Variants in PALLD observed in about 807,000 individuals in gnomAD.
PALLD encodes palladin.
A neutral mutation model predicts 123.5 loss-of-function variants in PALLD; 61 were observed. The ratio of observed to expected loss-of-function variants is 0.49; its 90% CI spans 0.40 to 0.61. The LOEUF is 0.61. PALLD is among the 20% of genes least tolerant of loss of function. The pLI is 0.00. For synonymous variants in PALLD, 465 were observed against 496.4 expected, an observed-to-expected ratio of 0.94 and a Z score of 0.84; for missense variants, 1,273 against 1,377.0, an observed-to-expected ratio of 0.92 and a Z score of 1.20.
chr4:168,671,635 A>T (rs762234884), intron 3 of PALLD, among the ~76,000 whole-genome samples: 1 of 152,368 alleles, frequency 6.6e-6, no homozygotes, highest in East Asian at 1.9e-4. Context: ...ATAATTTTTT[A>T]AAAAACAAAA....
intron 2 of PALLD, among the ~76,000 whole-genome samples, chr4:168,579,161 G>T (rs558297730): frequency 1.3e-5 from 2 of 152,274 alleles, no homozygotes; most frequent in African/African-American, 2.4e-5. Context: ...TCCCACAGTG[G>T]GGAGGTCAAG....
At chr4:168,843,550 A>G (rs1746359541) in intron 10 of PALLD, among the ~76,000 whole-genome samples, 1 of 152,192 alleles carries the variant, frequency 6.6e-6, no homozygotes, top group Admixed American at 6.5e-5. Context: ...TACAATTAGA[A>G]AGTTTTCCAA....
intron 3 of PALLD, among the ~76,000 whole-genome samples, chr4:168,672,535 T>C (rs1780390007): frequency 6.6e-6 from 1 of 152,052 alleles, no homozygotes; most frequent in Non-Finnish European, 1.5e-5. Context: ...CTTGGCTCAC[T>C]GCAAGCTCTG....
At chr4:168,679,444 G>T (rs894375232) in intron 3 of PALLD, among the ~76,000 whole-genome samples, 1 of 130,160 alleles carries the variant, frequency 7.7e-6, no homozygotes, top group African/African-American at 3.0e-5. Context: ...TGGGGTGTGT[G>T]TGTGGTGGGG....
At chr4:168,505,322 A>G (rs1178158445) in intron 1 of PALLD, among the ~76,000 whole-genome samples, 1 of 152,236 alleles carries the variant, frequency 6.6e-6, no homozygotes, top group Non-Finnish European at 1.5e-5. Flanking sequence ...AAACCAAAAT[A>G]TGAGTTAATA....
At chr4:168,818,241 T>C (rs931624394) in intron 10 of PALLD, among the ~76,000 whole-genome samples, 1 of 151,648 alleles carries the variant, frequency 6.6e-6, no homozygotes, top group African/African-American at 2.4e-5. Context: ...CCAAGCTCCA[T>C]CCTACCAATG....
intron 2 of PALLD, among the ~76,000 whole-genome samples, chr4:168,591,483 C>T (rs1263343216): frequency 2.0e-5 from 3 of 152,114 alleles, no homozygotes; most frequent in South Asian, 2.1e-4. Flanking sequence ...GCATTAAAGA[C>T]GTAAGTGCAT....
chr4:168,542,030 T>C (rs1301365808), intron 2 of PALLD, among the ~76,000 whole-genome samples: 1 of 152,196 alleles, frequency 6.6e-6, no homozygotes, highest in Non-Finnish European at 1.5e-5. Flanking sequence ...GTTATCACTA[T>C]GTGCTCAAAT....
chr4:168,592,018 ATT>A (rs10672786), intron 2 of PALLD, among the ~76,000 whole-genome samples: 16 of 138,926 alleles, frequency 1.2e-4, no homozygotes, highest in African/African-American at 1.6e-4. Context: ...ACTATTATGG[ATT>A]TTTTTTTTTT....
intron 2 of PALLD, among the ~76,000 whole-genome samples, chr4:168,620,014 T>C (rs1774600796): frequency 6.7e-6 from 1 of 148,230 alleles, no homozygotes; most frequent in African/African-American, 2.5e-5. Context: ...TGTTTAAGAC[T>C]AGTGGGCAAA....
chr4:168,624,904 A>T (rs554998868), intron 2 of PALLD, among the ~76,000 whole-genome samples: 1 of 152,254 alleles, frequency 6.6e-6, no homozygotes, highest in South Asian at 2.1e-4. Flanking sequence ...AAAGGACACA[A>T]AATAAGATTT....
intron 2 of PALLD, among the ~76,000 whole-genome samples, chr4:168,605,048 A>G (rs57500194): frequency 0.033 from 5,039 of 152,232 alleles, 272 homozygotes; most frequent in African/African-American, 0.11. Flanking sequence ...CCTTCTTTGG[A>G]ATATCAAATA....
At chr4:168,809,117 A>C (rs1740674496) in intron 10 of PALLD, among the ~76,000 whole-genome samples, 1 of 152,048 alleles carries the variant, frequency 6.6e-6, no homozygotes. Flanking sequence ...TTTCTCATTC[A>C]CTTTACAGGG....
In PALLD at chr4:168,685,490, C is replaced by G. The variant is rs147159943; in HGVS notation, c.1266C>G (p.His422Gln). 5.6e-6 allele frequency: 9 copies of G among 1,607,130 alleles called. No homozygotes were observed. The highest frequency in any genetic ancestry group is 1.6e-4 in the Middle Eastern group (1 of 6,076). The change falls in exon 6 of 22, where the codon CAC (histidine) becomes CAG (glutamine). Residue 422 changes from histidine to glutamine, a missense_variant. By Grantham distance (24) the His-to-Gln change is conservative. Transcript: ENST00000505667. Reference protein sequence around the residue: ...QPLSVPVQQVHSPTSYLCRPD... With the variant: ...QPLSVPVQQVQSPTSYLCRPD... ...ATATGTCTCTGCTTTTGCAGGTTCA[C>G]AGTCCAACTTCATATCTCTGCCGAC... is the stretch of plus-strand genomic sequence containing the variant.
rs113660777 is a variant in PALLD at position 168,728,083 on chromosome 4, G to A, written c.1964+16160G>A. On this transcript the variant is annotated intron_variant, in intron 10 of 21. Coordinates refer to ENST00000505667, the MANE Select transcript of PALLD (RefSeq NM_001166108.2). ...GGTTTATGTATTTGTTTTTGTACCA[G>A]TACCATGCTGTTTTGGTTACTGTAG... Among the ~76,000 whole-genome samples, 115 of 152,276 alleles carry A rather than the reference G, an allele frequency of 7.6e-4. 1 individual carries two copies. The highest frequency in any genetic ancestry group is 3.4e-3 in the Middle Eastern group (1 of 294).
intron 18 of PALLD, among the ~76,000 whole-genome samples, chr4:168,923,920 A>G (rs934911293): frequency 2.6e-5 from 2 of 76,816 alleles, no homozygotes; most frequent in Non-Finnish European, 6.8e-5. Flanking sequence ...AATGATCGGT[A>G]ACATAATCAC....
intron 1 of PALLD, among the ~76,000 whole-genome samples, chr4:168,501,417 G>A (rs528644178): frequency 1.4e-4 from 22 of 152,086 alleles, no homozygotes; most frequent in South Asian, 1.0e-3. Context: ...GAAAGGAAAA[G>A]AGAAGAAGAA....
At chr4:168,598,800 TC>T in intron 2 of PALLD, 2 of 310,360 alleles carry the variant, frequency 6.4e-6, no homozygotes, top group Non-Finnish European at 1.3e-5. Flanking sequence ...GGGAGGGTCC[TC>T]CAACACCAGC....
chr4:168,722,053 A>G (rs962422946), intron 10 of PALLD, among the ~76,000 whole-genome samples: 3 of 152,088 alleles, frequency 2.0e-5, no homozygotes, highest in Non-Finnish European at 4.4e-5. Flanking sequence ...ATATGTATGT[A>G]TGTATTTTCA....
Sources: gnomAD v4.1 joint callset for allele counts (sites outside exome capture counted in the v4.1 genomes callset) on GRCh38, gnomAD v4.1.1 for gene constraint, MANE v1.5 for transcripts, NCBI Gene and HGNC (gene_info 2026-07-23, HGNC 2026-07-21) for gene names.